Variants in ALK observed in about 807,000 individuals in gnomAD.
ALK encodes the protein ALK receptor tyrosine kinase.
Under a neutral mutation model 163.1 loss-of-function variants are expected in ALK, and 74 were observed. The ratio of observed to expected loss-of-function variants is 0.45; its 90% CI spans 0.38 to 0.55. ALK has a LOEUF of 0.55. ALK is among the 20% of genes least tolerant of loss of function. The pLI, the probability that ALK is intolerant of heterozygous loss-of-function variation, is 0.00. For synonymous variants in ALK, 960 were observed against 843.2 expected (o/e 1.14, Z -2.40); for missense variants, 2,063 against 2,105.3 (o/e 0.98, Z 0.39).
intron 6 of ALK, among the ~76,000 whole-genome samples, chr2:29,324,448 G>A (rs756175641): frequency 2.0e-5 from 3 of 152,208 alleles, no homozygotes; most frequent in Non-Finnish European, 4.4e-5. Flanking sequence ...AGGATTATGG[G>A]CGATAGTTAT....
chr2:29,807,481 G>A (rs1664651109), intron 1 of ALK, among the ~76,000 whole-genome samples: 2 of 152,218 alleles, frequency 1.3e-5, no homozygotes, highest in South Asian at 4.1e-4. Context: ...AGGAGCTTTG[G>A]GCAGAGGAAG....
chr2:29,734,428 T>G (rs186812887), intron 1 of ALK, among the ~76,000 whole-genome samples: 1 of 152,238 alleles, frequency 6.6e-6, no homozygotes, highest in East Asian at 1.9e-4. Flanking sequence ...AACTCTAAAA[T>G]AGATCATTAA....
intron 1 of ALK, 105 bp downstream of exon 1, chr2:29,919,888 G>C (rs1405296642): frequency 1.4e-6 from 2 of 1,388,074 alleles, no homozygotes. Flanking sequence ...ATGAAGCAGA[G>C]CTGAGGTTTT....
chr2:29,499,427 C>T (rs1476970836), intron 4 of ALK, among the ~76,000 whole-genome samples: 3 of 152,098 alleles, frequency 2.0e-5, no homozygotes, highest in African/African-American at 4.8e-5. Context: ...AACCCCTGGC[C>T]TCAAGTGATC....
chr2:29,692,176 T>C (rs1678418401), intron 3 of ALK, among the ~76,000 whole-genome samples: 1 of 152,198 alleles, frequency 6.6e-6, no homozygotes, highest in South Asian at 2.1e-4. Context: ...GGATGCTGTA[T>C]TTAATTCACC....
intron 6 of ALK, among the ~76,000 whole-genome samples, chr2:29,326,673 C>T (rs968718443): frequency 2.6e-5 from 4 of 152,204 alleles, no homozygotes; most frequent in African/African-American, 9.6e-5. Flanking sequence ...AAACATACAA[C>T]TATTCCATTA....
chr2:29,307,926 A>G (rs1666569817), intron 8 of ALK, among the ~76,000 whole-genome samples: 1 of 152,240 alleles, frequency 6.6e-6, no homozygotes. Context: ...GGGATTATGT[A>G]GAAGCCAGGG....
intron 3 of ALK, among the ~76,000 whole-genome samples, chr2:29,585,377 A>G (rs1674852664): frequency 6.6e-6 from 1 of 152,130 alleles, no homozygotes; most frequent in African/African-American, 2.4e-5. Flanking sequence ...CCCAAGCTGG[A>G]GTGCAATGGC....
intron 9 of ALK, among the ~76,000 whole-genome samples, chr2:29,290,332 G>A (rs1268390810): frequency 6.6e-6 from 1 of 152,326 alleles, no homozygotes; most frequent in East Asian, 1.9e-4. Flanking sequence ...CAGGGCTGCC[G>A]TGGATGGGGA....
At chr2:29,445,825 C>A (rs997264586) in intron 4 of ALK, among the ~76,000 whole-genome samples, 40 of 151,434 alleles carry the variant, frequency 2.6e-4, no homozygotes, top group Admixed American at 7.9e-4. Flanking sequence ...GCTGGCCGGG[C>A]GCGGTGGCTC....
chr2:29,404,659 G>A (rs182511266), intron 4 of ALK, among the ~76,000 whole-genome samples: 8 of 152,296 alleles, frequency 5.3e-5, no homozygotes, highest in Non-Finnish European at 7.3e-5. Context: ...TATAGTGTGC[G>A]CCAGGCATTG....
At chr2:29,884,184 CAT>C (rs1337242431) in intron 1 of ALK, among the ~76,000 whole-genome samples, 2 of 151,878 alleles carry the variant, frequency 1.3e-5, no homozygotes, top group Admixed American at 6.6e-5. Flanking sequence ...TTAAAAAAAA[CAT>C]GAGTAGTTTT....
At chr2:29,428,209 C>T (rs1033666868) in intron 4 of ALK, among the ~76,000 whole-genome samples, 6 of 151,886 alleles carry the variant, frequency 4.0e-5, no homozygotes, top group African/African-American at 1.4e-4. Flanking sequence ...TCACCACCCA[C>T]CTTAAGATAC....
intron 9 of ALK, among the ~76,000 whole-genome samples, chr2:29,275,960 T>C (rs528788794): frequency 3.9e-5 from 6 of 152,308 alleles, no homozygotes; most frequent in African/African-American, 1.4e-4. Flanking sequence ...AGGTCTGACA[T>C]TCAGCCAGTG....
At chr2:29,627,943 C>T (rs887145277) in intron 3 of ALK, among the ~76,000 whole-genome samples, 7 of 152,124 alleles carry the variant, frequency 4.6e-5, no homozygotes, top group Admixed American at 1.3e-4. Context: ...AAGGAAGCTT[C>T]GGAGCATCAA....
intron 3 of ALK, among the ~76,000 whole-genome samples, chr2:29,534,122 AAGATTTCC>A (rs1673188485): frequency 6.6e-6 from 1 of 152,012 alleles, no homozygotes; most frequent in African/African-American, 2.4e-5. Context: ...TTCTTGGCTG[AAGATTTCC>A]AGCTTCATTT....
At chr2:29,489,237 T>C (rs1319362293) in intron 4 of ALK, among the ~76,000 whole-genome samples, 1 of 152,238 alleles carries the variant, frequency 6.6e-6, no homozygotes, top group Non-Finnish European at 1.5e-5. Context: ...ACTTAATAGA[T>C]GCTCAATAAA....
At chr2:29,224,818 G>A (rs1384582123) in intron 19 of ALK, 2 of 216,008 alleles carry the variant, frequency 9.3e-6, no homozygotes, top group South Asian at 1.8e-4. Flanking sequence ...CCCTTCTACC[G>A]GCAGATCCCT....
intron 4 of ALK, among the ~76,000 whole-genome samples, chr2:29,430,099 G>A (rs1305702543): frequency 6.6e-6 from 1 of 152,092 alleles, no homozygotes. Context: ...AAAACTCTTA[G>A]AAGGAAATAT....
Sources: gnomAD v4.1 joint callset for allele counts (sites outside exome capture counted in the v4.1 genomes callset) on GRCh38, gnomAD v4.1.1 for gene constraint, MANE v1.5 for transcripts, NCBI Gene and HGNC (gene_info 2026-07-23, HGNC 2026-07-21) for gene names.